BCAR3: variants seen among roughly 807,000 people sequenced by gnomAD.
BCAR3 encodes BCAR3 adaptor protein, NSP family member.
Under a neutral mutation model 80.1 loss-of-function variants are expected in BCAR3, and 37 were observed. That is an observed-to-expected ratio of 0.46 (90% CI 0.36 to 0.61). The LOEUF (loss-of-function observed/expected upper bound fraction) is 0.61. BCAR3 is among the 20% of genes least tolerant of loss of function. The pLI, the probability that BCAR3 is intolerant of heterozygous loss-of-function variation, is 0.00. For synonymous variants in BCAR3, 389 were observed against 418.9 expected (o/e 0.93, Z 0.87); for missense variants, 978 against 1,068.2 (o/e 0.92, Z 1.18).
intron 2 of BCAR3, among the ~76,000 whole-genome samples, chr1:93,829,371 C>G (rs1271637206): frequency 6.6e-6 from 1 of 152,002 alleles, no homozygotes; most frequent in African/African-American, 2.4e-5. Flanking sequence ...GGTGAGAGAC[C>G]TGGTGACAAG....
chr1:93,621,148 C>T (rs1263959132), intron 3 of BCAR3, among the ~76,000 whole-genome samples: 1 of 152,214 alleles, frequency 6.6e-6, no homozygotes, highest in Non-Finnish European at 1.5e-5. Flanking sequence ...TCTTATCAAT[C>T]GCTTTTCTGT....
intron 2 of BCAR3, among the ~76,000 whole-genome samples, chr1:93,797,722 T>C (rs74101548): frequency 0.14 from 21,442 of 151,908 alleles, 2,457 homozygotes; most frequent in African/African-American, 0.31. Context: ...AATAAAAATA[T>C]TGGAAAATAG....
chr1:93,609,912 G>A (rs1232351888), intron 3 of BCAR3, among the ~76,000 whole-genome samples: 1 of 152,180 alleles, frequency 6.6e-6, no homozygotes. Context: ...CCTGATCCTC[G>A]CCACTCCTGC....
rs147120402 is a variant in BCAR3 at position 93,582,340 on chromosome 1, G to T, written c.1647C>A (p.Pro549=). 83 of 1,614,174 alleles carry T rather than the reference G, an allele frequency of 5.1e-5. No individual in the cohort carries two copies. In the East Asian group the frequency reaches 1.7e-3, roughly 34 times the overall value. Residue 549 remains proline, a synonymous_variant, in exon 7 of 12, where the codon CCC becomes CCA. Transcript: ENST00000260502. ...TCAGTACGTGCTGGGCGATGACCTT[G>T]GGGTCGTTGTTGGTGAACAGTTCTT... ...RAKELFTNND[P]KVIAQHVLSM...
rs909084999 is a variant in BCAR3 at position 93,735,361 on chromosome 1, C to T, written c.-62-29219G>A. On this transcript the variant is annotated intron_variant, in intron 2 of 13. Transcript: ENST00000370244. ...ACTGTCCAGATAAGGACCCTCCTCT[C>T]CCACTCCTCACATGGACTCCACTCA... Among the ~76,000 whole-genome samples the T allele has an allele frequency of 2.6e-5, 4 of 152,208 alleles. 1 individual carries two copies. The highest frequency in any genetic ancestry group is 2.6e-4 in the Admixed American group (4 of 15,280).
chr1:93,703,256 G>T lies in BCAR3; in HGVS notation c.-12+2836C>A, dbSNP rs1649711292. ...AAAAATTATTGACATTTAACGATCA[G>T]CTGTGTGTGTATTAGGGATTTTTAA... On this transcript the variant is annotated intron_variant, in intron 3 of 13. Transcript: ENST00000370244. 2.6e-5 allele frequency among the ~76,000 whole-genome samples: 4 copies of T among 152,218 alleles called. 1 individual carries two copies. In the South Asian group the frequency reaches 8.3e-4, roughly 31 times the overall value.
At chr1:93,751,737 A>G (rs1306361570) in intron 2 of BCAR3, among the ~76,000 whole-genome samples, 2 of 152,134 alleles carry the variant, frequency 1.3e-5, no homozygotes, top group African/African-American at 4.8e-5. Context: ...CTTGTGACAA[A>G]TTATCTAGAA....
At chr1:93,684,773 A>G (rs1226314195), upstream of BCAR3, among the ~76,000 whole-genome samples, 1 of 152,154 alleles carries the variant, frequency 6.6e-6, no homozygotes, top group Non-Finnish European at 1.5e-5. Flanking sequence ...TTCTTTGCCC[A>G]GGCTGGAGTG....
In BCAR3 at chr1:93,582,361, T is replaced by C. The variant is rs1487093259; in HGVS notation, c.1626A>G (p.Glu542=). Reference sequence around the variant, plus strand: ...CCTTGGGGTCGTTGTTGGTGAACAGTTCTTTTGCACGTTTCAACATTGCTG... The same window carrying C: ...CCTTGGGGTCGTTGTTGGTGAACAGCTCTTTTGCACGTTTCAACATTGCTG... ...LETAMLKRAK[E]LFTNNDPKVI... The change falls in exon 7 of 12, where the codon GAA becomes GAG. Residue 542 remains glutamate, a synonymous_variant. Transcript: ENST00000260502. 1 of 1,614,158 alleles carries C rather than the reference T, an allele frequency of 6.2e-7. No individual in the cohort carries two copies. The highest frequency in any genetic ancestry group is 1.7e-5 in the Admixed American group (1 of 60,020).
intron 2 of BCAR3, among the ~76,000 whole-genome samples, chr1:93,812,406 T>A (rs1433473721): frequency 1.3e-5 from 2 of 152,156 alleles, no homozygotes; most frequent in African/African-American, 4.8e-5. Context: ...AAGCCCTCTC[T>A]CTGTCATGTC....
At chr1:93,707,456 T>C (rs1649864613) in intron 2 of BCAR3, among the ~76,000 whole-genome samples, 1 of 152,100 alleles carries the variant, frequency 6.6e-6, no homozygotes, top group Non-Finnish European at 1.5e-5. Context: ...ATGCCTGTAA[T>C]CCCAGCACTT....
At chr1:93,737,087 T>C (rs1030109118) in intron 2 of BCAR3, among the ~76,000 whole-genome samples, 10 of 152,220 alleles carry the variant, frequency 6.6e-5, no homozygotes, top group African/African-American at 2.2e-4. Flanking sequence ...TTTAGATATG[T>C]GACCATTTTT....
chr1:93,829,503 T>C (rs949600176), intron 2 of BCAR3, among the ~76,000 whole-genome samples: 6 of 151,888 alleles, frequency 4.0e-5, no homozygotes, highest in Non-Finnish European at 8.8e-5. Context: ...AGAGAAGAAA[T>C]GGTTTTGGGG....
chr1:93,785,537 C>G (rs1652907446), intron 2 of BCAR3, among the ~76,000 whole-genome samples: 1 of 152,186 alleles, frequency 6.6e-6, no homozygotes, highest in Non-Finnish European at 1.5e-5. Context: ...CCAAACATGT[C>G]TGTGAACCAT....
intron 2 of BCAR3, among the ~76,000 whole-genome samples, chr1:93,642,859 G>A (rs376434214): frequency 6.6e-6 from 1 of 152,208 alleles, no homozygotes; most frequent in African/African-American, 2.4e-5. Flanking sequence ...TCTTCTCATC[G>A]CTGGCTGTTA....
At chr1:93,662,204 G>A (rs973210525) in intron 2 of BCAR3, among the ~76,000 whole-genome samples, 1 of 152,186 alleles carries the variant, frequency 6.6e-6, no homozygotes, top group East Asian at 1.9e-4. Context: ...GACCAACTCC[G>A]ATGGTCAGAA....
chr1:93,583,753 C>T (rs1673823619), intron 6 of BCAR3, among the ~76,000 whole-genome samples: 1 of 152,172 alleles, frequency 6.6e-6, no homozygotes, highest in Non-Finnish European at 1.5e-5. Flanking sequence ...AGTTACTTAA[C>T]CTATCTGTGC....
intron 3 of BCAR3, among the ~76,000 whole-genome samples, chr1:93,621,858 A>G (rs1213536473): frequency 6.6e-6 from 1 of 150,772 alleles, no homozygotes; most frequent in Non-Finnish European, 1.5e-5. Context: ...CAGAAGCCAC[A>G]TTGGTTTTGT....
chr1:93,607,891 A>T (rs1674824154), intron 3 of BCAR3, among the ~76,000 whole-genome samples: 1 of 152,066 alleles, frequency 6.6e-6, no homozygotes, highest in Admixed American at 6.5e-5. Context: ...CCATCCGCCC[A>T]CCAGACACAG....
Sources: allele counts gnomAD v4.1 joint callset (sites outside exome capture counted in the v4.1 genomes callset), GRCh38; gene constraint gnomAD v4.1.1; transcripts MANE v1.5; gene names NCBI Gene and HGNC (gene_info 2026-07-23, HGNC 2026-07-21).